CSMD1: variants seen among roughly 807,000 people sequenced by gnomAD.
The protein encoded by CSMD1 is CUB and Sushi multiple domains 1, also known as CUB and sushi domain-containing protein 1.
In CSMD1, 213 loss-of-function variants were observed where a neutral mutation model predicts 417.5. The ratio of observed to expected loss-of-function variants is 0.51; its 90% confidence interval spans 0.46 to 0.57. CSMD1 has a LOEUF of 0.57. Ranked by LOEUF, CSMD1 falls within the 20% of genes least tolerant of loss-of-function variation. CSMD1 has a pLI of 0.00. For missense variants in CSMD1, 6,923 were observed against 4,529.7 expected (o/e 1.53, Z -15.17); for synonymous variants, 2,862 against 1,736.8 (o/e 1.65, Z -16.11).
In CSMD1 at chr8:4,288,452, A is replaced by C. The variant is rs114536042; in HGVS notation, c.415+131501T>G. ...GGAAATTCAATTCAATGCTGTAGCC[A>C]TTTCTCCTGTACTGCTGACGATGAG... On this transcript the variant is annotated intron_variant, in intron 3 of 69. Transcript: ENST00000635120. Among the ~76,000 whole-genome samples the C allele has an allele frequency of 8.2e-3, 1,253 of 152,226 alleles. 14 individuals carry two copies. The highest frequency in any genetic ancestry group is 0.029 in the African/African-American group (1,217 of 41,528).
At chr8:3,979,754 G>C (rs80224822) in intron 5 of CSMD1, among the ~76,000 whole-genome samples, 1,744 of 152,328 alleles carry the variant, frequency 0.011, 34 homozygotes, top group African/African-American at 0.04. Context: ...CCTCAGAACT[G>C]TGAGAAATAA....
chr8:4,528,135 G>A (rs556087485), intron 2 of CSMD1, among the ~76,000 whole-genome samples: 3 of 152,230 alleles, frequency 2.0e-5, no homozygotes, highest in African/African-American at 7.2e-5. Context: ...TCCTTTTAAG[G>A]ACTATTTCTA....
chr8:4,100,324 A>C (rs1012593073), intron 3 of CSMD1, among the ~76,000 whole-genome samples: 1 of 152,174 alleles, frequency 6.6e-6, no homozygotes, highest in African/African-American at 2.4e-5. Context: ...ACCTTCACCA[A>C]ATGAATGCCT....
chr8:4,114,187 G>A (rs1802011130), intron 3 of CSMD1, among the ~76,000 whole-genome samples: 1 of 152,182 alleles, frequency 6.6e-6, no homozygotes, highest in Non-Finnish European at 1.5e-5. Context: ...TCCTCTATTA[G>A]GAGCTCATGC....
intron 4 of CSMD1, among the ~76,000 whole-genome samples, chr8:4,008,608 T>A (rs993855943): frequency 7.7e-6 from 1 of 129,034 alleles, no homozygotes; most frequent in African/African-American, 2.9e-5. Context: ...TTCTTTTTTT[T>A]TTTTTTTTTT....
chr8:3,127,570 C>T (rs1473358002), intron 41 of CSMD1: 1 of 152,108 alleles, frequency 6.6e-6, no homozygotes, highest in African/African-American at 2.4e-5. Context: ...AATCATTTCA[C>T]ATAAAATTCA....
At chr8:3,815,723 T>C (rs1801333428) in intron 5 of CSMD1, among the ~76,000 whole-genome samples, 1 of 152,016 alleles carries the variant, frequency 6.6e-6, no homozygotes, top group African/African-American at 2.4e-5. Flanking sequence ...TCTTTGGACT[T>C]GGAGATTCTC....
Position 4,172,091 on chromosome 8 carries a change from G to A in CSMD1, c.416-139992C>T, listed in dbSNP as rs150461212. Among the ~76,000 whole-genome samples the A allele has an allele frequency of 7.0e-3, 1,063 of 152,128 alleles. 15 individuals carry two copies. The highest frequency in any genetic ancestry group is 0.025 in the African/African-American group (1,024 of 41,470). On this transcript the variant is annotated intron_variant, in intron 3 of 69. Transcript: ENST00000635120. ...TCTTTCTCAGGGGAAGGCGTATCAC[G>A]GAGAGTTTATCATGCGGATCATTTC...
rs376202768 is a variant in CSMD1, at chr8:3,493,605, G to A, written c.1448+18C>T. On this transcript the variant is annotated intron_variant, in intron 11 of 69. Transcript: ENST00000635120. ...CACTGCATGCATAAGAGAAGAAGAA[G>A]CTCAAGGACATACTCACACGTACAA... 1.3e-6 allele frequency: 2 copies of A among 1,584,082 alleles called. No individual in the cohort carries two copies. The highest frequency in any genetic ancestry group is 1.7e-6 in the Non-Finnish European group (2 of 1,160,804).
chr8:3,862,703 G>T (rs888531140), intron 5 of CSMD1, among the ~76,000 whole-genome samples: 17 of 152,126 alleles, frequency 1.1e-4, no homozygotes, highest in Admixed American at 9.8e-4. Flanking sequence ...GAATTCAAAT[G>T]ATCTCCAAAA....
At chr8:4,651,570 A>C (rs1803898770) in intron 1 of CSMD1, among the ~76,000 whole-genome samples, 1 of 152,234 alleles carries the variant, frequency 6.6e-6, no homozygotes, top group Non-Finnish European at 1.5e-5. Flanking sequence ...CTTAAGAACA[A>C]AACTATTCCT....
At chr8:3,582,084 C>A (rs1011345284) in intron 9 of CSMD1, among the ~76,000 whole-genome samples, 3 of 152,126 alleles carry the variant, frequency 2.0e-5, no homozygotes, top group African/African-American at 7.2e-5. Context: ...CGTGAGCCAC[C>A]GCGCTGGCCA....
intron 1 of CSMD1, among the ~76,000 whole-genome samples, chr8:4,707,362 A>G (rs1808007501): frequency 1.3e-5 from 2 of 152,174 alleles, no homozygotes; most frequent in African/African-American, 4.8e-5. Context: ...TATTCAAAGA[A>G]AATCTAGATT....
intron 5 of CSMD1, among the ~76,000 whole-genome samples, chr8:3,995,113 G>A (rs565356529): frequency 1.3e-5 from 2 of 152,206 alleles, no homozygotes; most frequent in East Asian, 1.9e-4. Context: ...TGTCACTGTA[G>A]AATTACTGTA....
At chr8:4,538,172 T>G (rs1797197509) in intron 2 of CSMD1, among the ~76,000 whole-genome samples, 1 of 148,596 alleles carries the variant, frequency 6.7e-6, no homozygotes, top group African/African-American at 2.5e-5. Flanking sequence ...CGGTGTAACA[T>G]GCAACTGGAG....
At chr8:4,929,332 C>G (rs983557459) in intron 1 of CSMD1, among the ~76,000 whole-genome samples, 4 of 152,170 alleles carry the variant, frequency 2.6e-5, no homozygotes, top group Non-Finnish European at 5.9e-5. Context: ...CTTTAAGCCA[C>G]CTACCCTATC....
rs1554520628 is a variant in CSMD1, at chr8:4,295,740, A to ACG, written c.415+124212_415+124213insCG. Among the ~76,000 whole-genome samples the ACG allele has an allele frequency of 1.2e-4, 4 of 33,006 alleles. 1 individual carries two copies. Among genetic ancestry groups the ACG allele is most frequent in the African/African-American group, 5.9e-4 (4 of 6,810 alleles). 21.7% of individuals were successfully genotyped at this position (33,006 alleles called of 152,430 possible). On this transcript the variant is annotated intron_variant, in intron 3 of 69. Transcript: ENST00000635120. ...ATTATATATATCTGTGTGTGTGTAT[A>ACG]TGTGTGTGTGTATATATATATATAT... is the stretch of plus-strand genomic sequence containing the variant.
chr8:3,239,984 A>G (rs146933996), intron 26 of CSMD1, among the ~76,000 whole-genome samples: 21,268 of 147,416 alleles, frequency 0.14, 2,054 homozygotes, highest in Admixed American at 0.2. Context: ...ATATGTGTCA[A>G]GTGTGAGGAA....
chr8:4,042,814 T>TGAAAAAAAAAAAAAAAAAAAAAAAA (rs1563355345), intron 3 of CSMD1, among the ~76,000 whole-genome samples: 1 of 21,016 alleles, frequency 4.8e-5, no homozygotes, highest in Non-Finnish European at 9.1e-5. Flanking sequence ...GTACAACATA[T>TGAAAAAAAAAAAAAAAAAAAAAAAA]TAAAAAAAAA....
Sources: allele counts gnomAD v4.1 joint callset (sites outside exome capture counted in the v4.1 genomes callset), GRCh38; gene constraint gnomAD v4.1.1; transcripts MANE v1.5; gene names NCBI Gene and HGNC (gene_info 2026-07-23, HGNC 2026-07-21).